The following SAMHD1 variants were observed in gnomAD, a reference collection of about 807,000 sequenced individuals.
SAMHD1 encodes the protein deoxynucleoside triphosphate triphosphohydrolase SAMHD1.
A neutral mutation model predicts 79.6 loss-of-function variants in SAMHD1; 54 were observed. That is an observed-to-expected ratio of 0.68 (90% confidence interval 0.55 to 0.85). The LOEUF (loss-of-function observed/expected upper bound fraction) is 0.85. Among genes scored for constraint, SAMHD1 ranks in the 40% least tolerant of loss-of-function variants. SAMHD1 has a pLI of 0.00. For synonymous variants in SAMHD1, 260 were observed against 264.1 expected, an observed-to-expected ratio of 0.98 and a Z score of 0.15; for missense variants, 663 against 782.7, an observed-to-expected ratio of 0.85 and a Z score of 1.82.
intron 9 of SAMHD1, among the ~76,000 whole-genome samples, chr20:36,915,369 T>C (rs2063468304): frequency 1.3e-5 from 2 of 152,118 alleles, no homozygotes; most frequent in African/African-American, 4.8e-5. Context: ...AAAATGTGTG[T>C]AACTGACCAT....
At chr20:36,906,227 C>G (rs1223955845) in intron 11 of SAMHD1, among the ~76,000 whole-genome samples, 1 of 152,162 alleles carries the variant, frequency 6.6e-6, no homozygotes. Flanking sequence ...CACCTGAGGT[C>G]AGGAGCTTGA....
At chr20:36,923,214 T>C (rs11696169) in intron 6 of SAMHD1, among the ~76,000 whole-genome samples, 9,430 of 150,814 alleles carry the variant, frequency 0.063, 419 homozygotes, top group Non-Finnish European at 0.1. Context: ...TTAGCCAGGA[T>C]GGTCTCAATC....
rs1003030445 is a variant in SAMHD1 at position 36,893,133 on chromosome 20, G to C, written c.1747-67C>G. 6.2e-5 allele frequency: 98 copies of C among 1,588,786 alleles called. No homozygotes were observed. The African/African-American group carries it at 1.2e-3, about 20-fold the overall frequency. ...AGTTTCCATCATCTTATTTCTGAGT[G>C]AAAGTCTCAAGTGCGCACATCCTCA... is the stretch of plus-strand genomic sequence containing the variant. On this transcript the variant is annotated intron_variant, in intron 15 of 15. Transcript: ENST00000646673.
At chr20:36,934,973 A>G (rs1043622287) in intron 4 of SAMHD1, 56 bp downstream of exon 4, 5 of 1,563,710 alleles carry the variant, frequency 3.2e-6, no homozygotes, top group Non-Finnish European at 4.4e-6. Flanking sequence ...TAACTATTTC[A>G]TGAGACAGAG....
intron 11 of SAMHD1, among the ~76,000 whole-genome samples, chr20:36,908,338 G>C (rs920523650): frequency 1.3e-5 from 2 of 151,834 alleles, no homozygotes; most frequent in African/African-American, 4.8e-5. Flanking sequence ...GGCCTCCTGG[G>C]CTCCAGTGAT....
intron 15 of SAMHD1, chr20:36,893,581 CA>C: frequency 3.3e-6 from 1 of 299,414 alleles, no homozygotes; most frequent in Non-Finnish European, 6.1e-6. Flanking sequence ...CTCCTCCACC[CA>C]AAATAAGGGA....
At chr20:36,925,199 A>G (rs1369653267) in intron 6 of SAMHD1, among the ~76,000 whole-genome samples, 1 of 152,098 alleles carries the variant, frequency 6.6e-6, no homozygotes, top group Non-Finnish European at 1.5e-5. Flanking sequence ...CCATATACTT[A>G]CACAAAAATA....
At chr20:36,917,073 G>C (rs1002741630) in intron 7 of SAMHD1, 24 bp from the exon 8 acceptor site, 1 of 1,471,892 alleles carries the variant, frequency 6.8e-7, no homozygotes, top group East Asian at 2.3e-5. Flanking sequence ...AAACCCACTG[G>C]AAGTTTTAGG....
At chr20:36,898,638 G>C in intron 13 of SAMHD1, 94 bp from the exon 14 acceptor site, 1 of 958,704 alleles carries the variant, frequency 1.0e-6, no homozygotes, top group Non-Finnish European at 1.7e-6. Context: ...CAGAGGCCGG[G>C]CGCAGTAGCT....
chr20:36,921,319 G>A (rs1231108131), intron 6 of SAMHD1, among the ~76,000 whole-genome samples: 1 of 148,778 alleles, frequency 6.7e-6, no homozygotes, highest in Non-Finnish European at 1.5e-5. Context: ...CTTGAACTCG[G>A]GAGGCGGAGG....
In SAMHD1 at chr20:36,941,081, A is replaced by G; in HGVS notation, c.306T>C (p.Ser102=). The stretch of plus-strand genomic sequence containing the variant: ...GGATTTGAACCAATCGCTGGATATA[A>G]CTAAGCAGCTTCTTCCTCTCCCCCA... The part of the protein sequence containing the change: ...SSLGERKKLL[S]YIQRLVQIHV... Residue 102 remains serine, a synonymous_variant, in exon 3 of 16, where the codon AGT becomes AGC. Coordinates refer to ENST00000646673, the MANE Select transcript of SAMHD1 (RefSeq NM_015474.4). The G allele has an allele frequency of 6.2e-7, 1 of 1,613,542 alleles. No individual in the cohort carries two copies. Among genetic ancestry groups the G allele is most frequent in the Non-Finnish European group, 8.5e-7 (1 of 1,179,612 alleles).
In SAMHD1 at chr20:36,902,429, G is replaced by A. The variant is rs1040061711; in HGVS notation, c.1503+1728C>T. The stretch of plus-strand genomic sequence containing the variant: ...AACTCCTGACCTCAGGTGATCGTCC[G>A]CCTCGGCCTCCCAAAGTGCTGGGAT... On this transcript the variant is annotated intron_variant, in intron 13 of 15. Coordinates refer to ENST00000646673, the MANE Select transcript of SAMHD1 (RefSeq NM_015474.4). Among the ~76,000 whole-genome samples the A allele has an allele frequency of 6.6e-5, 10 of 152,278 alleles. No homozygotes were observed. The East Asian group carries it at 1.2e-3, about 18-fold the overall frequency.
chr20:36,904,267 C>T lies in SAMHD1; in HGVS notation c.1411-18G>A, dbSNP rs373910542. On this transcript the variant is annotated intron_variant, in intron 12 of 15. Coordinates refer to ENST00000646673, the MANE Select transcript of SAMHD1 (RefSeq NM_015474.4). ...TAGTCCTCCTGGAAAACACAAGACT[C>T]CCCATGTTAGAATCCATTTTTCATC... 547 of 1,543,000 alleles carry T rather than the reference C, an allele frequency of 3.5e-4. 1 individual carries two copies. The highest frequency in any genetic ancestry group is 5.7e-4 in the South Asian group (51 of 89,540).
intron 6 of SAMHD1, among the ~76,000 whole-genome samples, chr20:36,923,062 G>A (rs1185449235): frequency 2.6e-5 from 4 of 152,126 alleles, no homozygotes; most frequent in African/African-American, 7.2e-5. Flanking sequence ...GTGCAGTGGC[G>A]TGATTTCAGC....
intron 6 of SAMHD1, among the ~76,000 whole-genome samples, chr20:36,923,167 A>T (rs981692139): frequency 4.0e-5 from 6 of 151,128 alleles, no homozygotes; most frequent in African/African-American, 1.5e-4. Context: ...CACCCAGCCA[A>T]TTTTTTTGTA....
chr20:36,945,731 T>C (rs572463153), intron 2 of SAMHD1, among the ~76,000 whole-genome samples: 20 of 151,868 alleles, frequency 1.3e-4, no homozygotes, highest in Middle Eastern at 3.4e-3. Flanking sequence ...GCCAACATGG[T>C]GAAACCCTGT....
At chr20:36,915,230 C>T (rs987814478) in intron 9 of SAMHD1, among the ~76,000 whole-genome samples, 2 of 151,404 alleles carry the variant, frequency 1.3e-5, no homozygotes, top group African/African-American at 2.4e-5. Context: ...CCCAGCTACT[C>T]GGGAGGCAGA....
chr20:36,926,014 T>C (rs2063533901), intron 6 of SAMHD1, among the ~76,000 whole-genome samples: 1 of 152,168 alleles, frequency 6.6e-6, no homozygotes, highest in Non-Finnish European at 1.5e-5. Flanking sequence ...TTATCTATTT[T>C]TATTTTTATA....
intron 9 of SAMHD1, among the ~76,000 whole-genome samples, chr20:36,913,244 G>A (rs528575033): frequency 3.9e-4 from 59 of 150,816 alleles, no homozygotes; most frequent in African/African-American, 1.2e-3. Context: ...TGATCTGCCC[G>A]CCTCGGCCTC....
Sources: gnomAD v4.1 joint callset for allele counts (sites outside exome capture counted in the v4.1 genomes callset) on GRCh38, gnomAD v4.1.1 for gene constraint, MANE v1.5 for transcripts, NCBI Gene and HGNC (gene_info 2026-07-23, HGNC 2026-07-21) for gene names.